The following ADAMTSL1 variants were observed in gnomAD, a reference collection of about 807,000 sequenced individuals.
ADAMTSL1 encodes ADAMTS like 1, also known as ADAMTS-like protein 1.
A neutral mutation model predicts 201.8 loss-of-function variants in ADAMTSL1; 126 were observed. The observed-to-expected ratio is 0.62, with a 90% CI of 0.54 to 0.72. The LOEUF is 0.72. Among genes scored for constraint, ADAMTSL1 ranks in the 30% least tolerant of loss-of-function variants. ADAMTSL1 has a pLI of 0.00. For missense variants in ADAMTSL1, 2,679 were observed against 2,277.8 expected (o/e 1.18, Z -3.59); for synonymous variants, 1,121 against 903.4 (o/e 1.24, Z -4.32).
chr9:18,234,045 A>T (rs1669193052), intron 2 of ADAMTSL1, among the ~76,000 whole-genome samples: 1 of 152,228 alleles, frequency 6.6e-6, no homozygotes, highest in Non-Finnish European at 1.5e-5. Flanking sequence ...GTTGGTGGCC[A>T]GGCAGATGGA....
At chr9:18,653,998 C>CG (rs1472789198) in intron 7 of ADAMTSL1, among the ~76,000 whole-genome samples, 1 of 152,156 alleles carries the variant, frequency 6.6e-6, no homozygotes, top group Non-Finnish European at 1.5e-5. Context: ...GAGGCCGAGG[C>CG]GGGTGGATCA....
At chr9:18,413,061 C>A (rs1326242216) in intron 2 of ADAMTSL1, among the ~76,000 whole-genome samples, 1 of 151,184 alleles carries the variant, frequency 6.6e-6, no homozygotes, top group African/African-American at 2.4e-5. Context: ...TTACCTTTTT[C>A]TATACTCTGA....
intron 8 of ADAMTSL1, among the ~76,000 whole-genome samples, chr9:18,661,708 C>T (rs1829104426): frequency 6.6e-6 from 1 of 152,034 alleles, no homozygotes; most frequent in African/African-American, 2.4e-5. Context: ...GTAGTTCAAG[C>T]CTAATTATAT....
At chr9:18,524,244 C>T (rs1439906541) in intron 2 of ADAMTSL1, among the ~76,000 whole-genome samples, 1 of 152,136 alleles carries the variant, frequency 6.6e-6, no homozygotes, top group Non-Finnish European at 1.5e-5. Flanking sequence ...CTCTGTTTGT[C>T]TGTTATTGGT....
intron 2 of ADAMTSL1, among the ~76,000 whole-genome samples, chr9:18,509,927 T>G (rs1261081831): frequency 1.3e-5 from 2 of 152,202 alleles, no homozygotes; most frequent in African/African-American, 4.8e-5. Flanking sequence ...CCACTCCAGA[T>G]CTAGGCATCT....
At chr9:18,137,957 C>T (rs986505805) in intron 1 of ADAMTSL1, among the ~76,000 whole-genome samples, 1 of 152,134 alleles carries the variant, frequency 6.6e-6, no homozygotes, top group Non-Finnish European at 1.5e-5. Context: ...TGAAGGATCT[C>T]AAGCTAGGGA....
chr9:18,020,954 T>G (rs117767228), intron 1 of ADAMTSL1, among the ~76,000 whole-genome samples: 2 of 152,230 alleles, frequency 1.3e-5, no homozygotes, highest in East Asian at 3.9e-4. Flanking sequence ...TGCCACCCTT[T>G]AAATCCCTAG....
intron 2 of ADAMTSL1, among the ~76,000 whole-genome samples, chr9:18,417,930 A>G (rs769804994): frequency 6.6e-5 from 10 of 152,184 alleles, no homozygotes; most frequent in African/African-American, 2.4e-4. Context: ...AAATAACACT[A>G]TAGAGCACAA....
chr9:18,771,818 G>A (rs949963725), intron 17 of ADAMTSL1, among the ~76,000 whole-genome samples: 1 of 142,906 alleles, frequency 7.0e-6, no homozygotes, highest in Non-Finnish European at 1.5e-5. Flanking sequence ...AAAGCGGCCT[G>A]TGAAAATTAA....
chr9:18,906,671 C>G (rs929710244), intron 27 of ADAMTSL1, 21 bp from the exon 28 acceptor site: 7 of 1,543,488 alleles, frequency 4.5e-6, no homozygotes, highest in Admixed American at 2.0e-5. Flanking sequence ...AAACCTTAAC[C>G]CTGCCACCAT....
intron 2 of ADAMTSL1, among the ~76,000 whole-genome samples, chr9:18,182,452 C>G (rs1038406482): frequency 3.9e-5 from 6 of 152,244 alleles, no homozygotes; most frequent in East Asian, 1.9e-4. Flanking sequence ...GACTCAAAAA[C>G]TTTATTCTCT....
intron 23 of ADAMTSL1, among the ~76,000 whole-genome samples, chr9:18,882,323 T>C (rs1368166381): frequency 6.6e-6 from 1 of 152,186 alleles, no homozygotes; most frequent in Non-Finnish European, 1.5e-5. Flanking sequence ...AGCACCTTGA[T>C]AGCATATGGC....
chr9:18,888,068 TACTGG>T, intron 24 of ADAMTSL1, 25 bp downstream of exon 24: 2 of 1,601,686 alleles, frequency 1.2e-6, no homozygotes, highest in Non-Finnish European at 1.7e-6. Flanking sequence ...AGACTTTGCA[TACTGG>T]ACTTGAACAA....
chr9:17,939,538 G>A (rs999705206), intron 1 of ADAMTSL1, among the ~76,000 whole-genome samples: 1 of 152,034 alleles, frequency 6.6e-6, no homozygotes, highest in African/African-American at 2.4e-5. Context: ...TAACAATGAT[G>A]TATGACTGTT....
intron 2 of ADAMTSL1, among the ~76,000 whole-genome samples, chr9:18,415,945 C>G (rs965596707): frequency 6.6e-6 from 1 of 151,952 alleles, no homozygotes; most frequent in Non-Finnish European, 1.5e-5. Context: ...AACCCCAAAA[C>G]CAGTAGAATA....
chr9:18,681,959 G>C lies in ADAMTSL1; in HGVS notation c.1489G>C (p.Glu497Gln). Reference protein sequence around the residue: ...IVPTPCYKPKEKLPVEAKLPW... With the variant: ...IVPTPCYKPKQKLPVEAKLPW... ...ACCCACTCCCTGCTATAAACCCAAAGGTAACTTGACAGGTGCTCTATTACC... is the reference window on the plus strand; with the variant it reads ...ACCCACTCCCTGCTATAAACCCAAACGTAACTTGACAGGTGCTCTATTACC... Residue 497 changes from glutamate (E) to glutamine (Q), a missense_variant and splice_region_variant, in exon 12 of 29, where the codon GAG becomes CAG. Transcript: ENST00000380548. 5 of 1,613,968 alleles carry C rather than the reference G, an allele frequency of 3.1e-6. No individual in the cohort carries two copies. Among genetic ancestry groups the C allele is most frequent in the Non-Finnish European group, 4.2e-6 (5 of 1,179,930 alleles).
intron 23 of ADAMTSL1, among the ~76,000 whole-genome samples, chr9:18,869,420 G>T (rs1179102203): frequency 6.6e-6 from 1 of 152,124 alleles, no homozygotes; most frequent in African/African-American, 2.4e-5. Flanking sequence ...TTTCTTCCAG[G>T]GATCACAGTC....
intron 23 of ADAMTSL1, among the ~76,000 whole-genome samples, chr9:18,840,433 C>G (rs904355978): frequency 6.6e-6 from 1 of 152,208 alleles, no homozygotes; most frequent in Non-Finnish European, 1.5e-5. Context: ...GTTTTGGTTA[C>G]TGTAGCCTTC....
At position 18,609,713 on chromosome 9, in the gene ADAMTSL1, TC is replaced by T. The variant is rs371891851; in HGVS notation, c.475-12522del. On this transcript the variant is annotated intron_variant, in intron 4 of 28. Coordinates refer to ENST00000380548, the MANE Select transcript of ADAMTSL1 (RefSeq NM_001040272.6). The stretch of plus-strand genomic sequence containing the variant: ...CTGCTATTTGCACAGTGACTACATA[TC>T]CCCCCCCTAAAATAATCAACACACA... 1.7e-4 allele frequency among the ~76,000 whole-genome samples: 26 copies of T among 151,344 alleles called. No homozygotes were observed. In the East Asian group the frequency reaches 1.7e-3, roughly 10 times the overall value.
Sources: allele counts gnomAD v4.1 joint callset (sites outside exome capture counted in the v4.1 genomes callset), GRCh38; gene constraint gnomAD v4.1.1; transcripts MANE v1.5; gene names NCBI Gene and HGNC (gene_info 2026-07-23, HGNC 2026-07-21).